USP24: variants seen among roughly 807,000 people sequenced by gnomAD.
USP24 encodes ubiquitin carboxyl-terminal hydrolase 24.
In USP24, 97 loss-of-function variants were observed where a neutral mutation model predicts 361.6. The ratio of observed to expected loss-of-function variants is 0.27; its 90% CI spans 0.23 to 0.32. The LOEUF (loss-of-function observed/expected upper bound fraction) is 0.32. Among genes scored for constraint, USP24 ranks in the 10% least tolerant of loss-of-function variants. USP24 has a pLI of 1.00. For missense variants in USP24, 2,353 were observed against 3,165.6 expected (o/e 0.74, Z 6.16); for synonymous variants, 1,098 against 1,124.6 (o/e 0.98, Z 0.47).
intron 9 of USP24, 67 bp from the exon 10 acceptor site, chr1:55,159,103 A>G: frequency 2.0e-5 from 26 of 1,283,442 alleles, no homozygotes; most frequent in Non-Finnish European, 2.7e-5. Flanking sequence ...CAATTCTTAT[A>G]ACATACACAA....
chr1:55,145,587 A>G (rs1010291653), intron 20 of USP24, among the ~76,000 whole-genome samples: 1 of 152,224 alleles, frequency 6.6e-6, no homozygotes, highest in African/African-American at 2.4e-5. Context: ...TGAAGGTTAC[A>G]TAATTTTGTG....
At chr1:55,138,586 G>GTAGTTC in intron 26 of USP24, 22 bp downstream of exon 26, 1 of 1,520,348 alleles carries the variant, frequency 6.6e-7, no homozygotes, top group Non-Finnish European at 9.1e-7. Context: ...GAAAATGGCT[G>GTAGTTC]TAGTTCTTAA....
intron 67 of USP24, among the ~76,000 whole-genome samples, chr1:55,069,551 C>T (rs574332181): frequency 9.2e-5 from 14 of 152,178 alleles, no homozygotes; most frequent in Admixed American, 3.3e-4. Flanking sequence ...CTTGGCGAAT[C>T]GTTCTGAATA....
chr1:55,192,048 C>T (rs1644303419), intron 1 of USP24, among the ~76,000 whole-genome samples: 1 of 152,160 alleles, frequency 6.6e-6, no homozygotes, highest in Non-Finnish European at 1.5e-5. Context: ...CAGGTGATAT[C>T]CTAACTGGGA....
chr1:55,199,411 G>T (rs1176423083), intron 1 of USP24, among the ~76,000 whole-genome samples: 1 of 152,088 alleles, frequency 6.6e-6, no homozygotes, highest in East Asian at 1.9e-4. Context: ...TATAAGTGGA[G>T]AATTTGAATA....
Position 55,162,207 on chromosome 1 carries a change from C to A in USP24, c.985G>T (p.Val329Leu). ...GVCAEYLNSSVVQPMLDPVIL... is the reference protein window; with the variant it reads ...GVCAEYLNSSLVQPMLDPVIL... ...AAATGGTTTAATCCTACCTGTACCA[C>A]GGAGGAATTGAGGTACTCTGCACAC... Residue 329 changes from valine (V) to leucine (L), a missense_variant, in exon 8 of 68, where the codon GTG becomes TTG. Val to Leu is a conservative substitution (Grantham distance 32). Coordinates refer to ENST00000294383, the MANE Select transcript of USP24 (RefSeq NM_015306.3). 1 of 1,593,762 alleles carries A rather than the reference C, an allele frequency of 6.3e-7. No individual in the cohort carries two copies. Among genetic ancestry groups the A allele is most frequent in the East Asian group, 2.3e-5 (1 of 43,488 alleles).
chr1:55,118,228 T>C (rs529694706), intron 38 of USP24, among the ~76,000 whole-genome samples: 78 of 152,254 alleles, frequency 5.1e-4, no homozygotes, highest in African/African-American at 1.8e-3. Context: ...CTTAGTACAA[T>C]ACTACAGTAA....
chr1:55,126,290 A>G (rs1450674923), intron 32 of USP24, among the ~76,000 whole-genome samples: 1 of 152,192 alleles, frequency 6.6e-6, no homozygotes, highest in East Asian at 1.9e-4. Context: ...GCTCCTCTGA[A>G]AAGCTTTCTC....
At chr1:55,116,659 CAA>C (rs1226593093) in intron 38 of USP24, among the ~76,000 whole-genome samples, 2 of 145,834 alleles carry the variant, frequency 1.4e-5, no homozygotes, top group African/African-American at 2.6e-5. Flanking sequence ...AGAGATTCAG[CAA>C]AGAGACTGAA....
At chr1:55,196,140 C>T (rs771315072) in intron 1 of USP24, among the ~76,000 whole-genome samples, 7 of 152,100 alleles carry the variant, frequency 4.6e-5, no homozygotes, top group Non-Finnish European at 1.0e-4. Flanking sequence ...GATCCCTCTT[C>T]CTGGAAACAC....
At chr1:55,136,079 T>C (rs1646726219) in intron 28 of USP24, among the ~76,000 whole-genome samples, 1 of 151,804 alleles carries the variant, frequency 6.6e-6, no homozygotes, top group African/African-American at 2.4e-5. Context: ...ATATATAGTA[T>C]GCTAAAGAAA....
chr1:55,142,702 A>G (rs1234235346), intron 23 of USP24, 40 bp downstream of exon 23: 8 of 1,315,052 alleles, frequency 6.1e-6, no homozygotes, highest in African/African-American at 1.5e-5. Flanking sequence ...GAAAAAAAGC[A>G]TTTACCTCAA....
Position 55,139,019 on chromosome 1 carries a change from TAAA to T in USP24, c.2751-12_2751-10del. On this transcript the variant is annotated splice_polypyrimidine_tract_variant and intron_variant, in intron 24 of 67. Coordinates refer to ENST00000294383, the MANE Select transcript of USP24 (RefSeq NM_015306.3). ...TTACAAGTTTAGTAGATCTATAGATTAAAAAAAAAAAGTATTAAAATGTATTTG... is the reference window on the plus strand; with the variant it reads ...TTACAAGTTTAGTAGATCTATAGATTAAAAAAAAGTATTAAAATGTATTTG... 1 of 1,316,812 alleles carries T rather than the reference TAAA, an allele frequency of 7.6e-7. No individual in the cohort carries two copies. Among genetic ancestry groups the T allele is most frequent in the Non-Finnish European group, 1.0e-6 (1 of 968,634 alleles). The allele number at this position is 1,316,812 out of a possible 1,614,324, so 81.6% of individuals were successfully genotyped here.
intron 35 of USP24, 96 bp downstream of exon 35, chr1:55,124,373 G>A: frequency 7.1e-7 from 1 of 1,408,136 alleles, no homozygotes; most frequent in Non-Finnish European, 9.6e-7. Flanking sequence ...AGAGAAGAGG[G>A]TCTCCCATTT....
chr1:55,136,762 T>C (rs750088812), intron 28 of USP24, among the ~76,000 whole-genome samples: 22 of 151,894 alleles, frequency 1.4e-4, no homozygotes, highest in Admixed American at 9.8e-4. Context: ...AAGAAGAGAT[T>C]TGGGGTGGGA....
intron 62 of USP24, among the ~76,000 whole-genome samples, chr1:55,076,258 A>G (rs1645029803): frequency 6.6e-6 from 1 of 152,232 alleles, no homozygotes; most frequent in African/African-American, 2.4e-5. Flanking sequence ...TGAACTGTGC[A>G]TGGTATAAAA....
At chr1:55,093,093 T>C (rs1030078094) in intron 52 of USP24, among the ~76,000 whole-genome samples, 177 bp from the exon 53 acceptor site, 1 of 152,202 alleles carries the variant, frequency 6.6e-6, no homozygotes, top group Admixed American at 6.5e-5. Flanking sequence ...AAAACCTTCC[T>C]TTGACATATA....
rs1427061310 is a variant in USP24, at chr1:55,181,564, G to A, written c.325-3432C>T. Among the ~76,000 whole-genome samples the A allele has an allele frequency of 2.6e-5, 4 of 152,182 alleles. No homozygotes were observed. The South Asian group carries it at 8.3e-4, about 32-fold the overall frequency. ...TTAAATTTATTACCTTAGGATTAAA[G>A]TGGAATTAAGTCATATAAAAACAAA... On this transcript the variant is annotated intron_variant, in intron 1 of 67. Transcript: ENST00000294383.
chr1:55,166,381 C>T (rs1648864793), intron 6 of USP24, among the ~76,000 whole-genome samples, 187 bp downstream of exon 6: 1 of 151,882 alleles, frequency 6.6e-6, no homozygotes, highest in Non-Finnish European at 1.5e-5. Context: ...AGTACTAAGT[C>T]CAAAAGCTGA....
Sources: gnomAD v4.1 joint callset for allele counts (sites outside exome capture counted in the v4.1 genomes callset) on GRCh38, gnomAD v4.1.1 for gene constraint, MANE v1.5 for transcripts, NCBI Gene and HGNC (gene_info 2026-07-23, HGNC 2026-07-21) for gene names.